SNX10: variants seen among roughly 807,000 people sequenced by gnomAD.
SNX10 encodes sorting nexin 10.
SNX10 carries 25 observed loss-of-function variants against 28.5 expected under a neutral mutation model. The ratio of observed to expected loss-of-function variants is 0.88; its 90% CI spans 0.64 to 1.22. The LOEUF (loss-of-function observed/expected upper bound fraction) is 1.22. Ranked by LOEUF, SNX10 falls within the 50% of genes most tolerant of loss-of-function variation. The pLI is 0.00. For missense variants in SNX10, 223 were observed against 242.6 expected, an observed-to-expected ratio of 0.92 and a Z score of 0.54; for synonymous variants, 62 against 81.4, an observed-to-expected ratio of 0.76 and a Z score of 1.28.
At chr7:26,341,780 C>T (rs572259024) in intron 1 of SNX10, among the ~76,000 whole-genome samples, 33 of 152,086 alleles carry the variant, frequency 2.2e-4, no homozygotes, top group African/African-American at 8.0e-4. Flanking sequence ...CCACCACACC[C>T]AGCCCTCTAT....
intron 1 of SNX10, among the ~76,000 whole-genome samples, chr7:26,313,574 A>G (rs186473063): frequency 1.9e-4 from 29 of 152,280 alleles, no homozygotes; most frequent in Admixed American, 1.6e-3. Context: ...GGGTTAAATA[A>G]TTTAGGCATT....
At chr7:26,347,097 G>A (rs1337830357) in intron 2 of SNX10, among the ~76,000 whole-genome samples, 1 of 151,556 alleles carries the variant, frequency 6.6e-6, no homozygotes, top group Non-Finnish European at 1.5e-5. Context: ...GCAGCACAGG[G>A]GCCTGTCTAG....
At chr7:26,372,462 T>G in intron 6 of SNX10, 29 bp from the exon 7 acceptor site, 1 of 1,453,082 alleles carries the variant, frequency 6.9e-7, no homozygotes, top group Non-Finnish European at 9.7e-7. Flanking sequence ...TTCCTCTTTT[T>G]ATTATTTTCC....
intron 1 of SNX10, among the ~76,000 whole-genome samples, chr7:26,318,820 T>C (rs1393054852): frequency 6.6e-6 from 1 of 152,252 alleles, no homozygotes; most frequent in Non-Finnish European, 1.5e-5. Context: ...ACTTCCTAAG[T>C]GCTTTAAGTA....
intron 1 of SNX10, among the ~76,000 whole-genome samples, chr7:26,338,477 A>T (rs1788032598): frequency 6.6e-6 from 1 of 152,010 alleles, no homozygotes; most frequent in Non-Finnish European, 1.5e-5. Context: ...CCAGGCCTGG[A>T]GTGCAGTGGC....
At chr7:26,303,827 C>T (rs893697420) in intron 1 of SNX10, among the ~76,000 whole-genome samples, 1 of 152,194 alleles carries the variant, frequency 6.6e-6, no homozygotes, top group African/African-American at 2.4e-5. Context: ...CTATGACACA[C>T]TCAGGACAAG....
At chr7:26,315,356 G>A (rs1329069282) in intron 1 of SNX10, among the ~76,000 whole-genome samples, 1 of 152,110 alleles carries the variant, frequency 6.6e-6, no homozygotes, top group Non-Finnish European at 1.5e-5. Flanking sequence ...TGTCCCAAAA[G>A]TGTCATAGCT....
chr7:26,364,600 G>T lies in SNX10; in HGVS notation c.177G>T (p.Trp59Cys). 6.2e-7 allele frequency: 1 copy of T among 1,613,942 alleles called. No homozygotes were observed. Among genetic ancestry groups the T allele is most frequent in the Non-Finnish European group, 8.5e-7 (1 of 1,179,876 alleles). Residue 59 changes from tryptophan (W) to cysteine (C), a missense_variant, in exon 4 of 7, where the codon TGG becomes TGT. Trp to Cys is a radical substitution (Grantham distance 215, BLOSUM62 -2). Coordinates refer to ENST00000338523, the MANE Select transcript of SNX10 (RefSeq NM_013322.3). This position sits in a 1 kb window ranked among gnomAD's most constrained non-coding sequence, Gnocchi z 4.9. ...GAAGAAGATATAGAGAATTCGTGTG[G>T]CTGAGGCAGAGACTCCAAAGTAATG... ...CVRRRYREFV[W>C]LRQRLQSNAL...
At chr7:26,322,290 T>A (rs1231710804) in intron 1 of SNX10, among the ~76,000 whole-genome samples, 1 of 152,230 alleles carries the variant, frequency 6.6e-6, no homozygotes, top group African/African-American at 2.4e-5. Flanking sequence ...ACAGGATTGC[T>A]AACTTTTTGC....
chr7:26,344,915 C>T (rs778312228), intron 1 of SNX10, among the ~76,000 whole-genome samples: 1 of 152,230 alleles, frequency 6.6e-6, no homozygotes, highest in Non-Finnish European at 1.5e-5. Context: ...ATCCAGGTGG[C>T]AGCAGAGCCC....
rs1428970601 is a variant in SNX10 at position 26,342,733 on chromosome 7, A to G, written c.-23-3687A>G. 2.6e-5 allele frequency among the ~76,000 whole-genome samples: 4 copies of G among 152,200 alleles called. No homozygotes were observed. The East Asian group carries it at 7.7e-4, about 29-fold the overall frequency. ...TTTACAGTATTAGAGGTTGACCATG[A>G]TAGTTCACTGTGATGTTTTGGAACA... On this transcript the variant is annotated intron_variant, in intron 1 of 6. Transcript: ENST00000338523.
intron 2 of SNX10, among the ~76,000 whole-genome samples, chr7:26,353,378 G>C (rs1788682180): frequency 1.4e-5 from 2 of 146,892 alleles, no homozygotes; most frequent in Admixed American, 1.4e-4. Context: ...GATTTTAGTT[G>C]TGAAATTGTT....
chr7:26,345,966 G>A (rs1486261825), intron 1 of SNX10, among the ~76,000 whole-genome samples: 2 of 152,170 alleles, frequency 1.3e-5, no homozygotes, highest in Non-Finnish European at 2.9e-5. Flanking sequence ...GACCTCTGGA[G>A]TAATATAAGT....
chr7:26,303,576 C>T (rs1786461380), intron 1 of SNX10, among the ~76,000 whole-genome samples: 1 of 152,210 alleles, frequency 6.6e-6, no homozygotes, highest in African/African-American at 2.4e-5. Context: ...CACTCTGCTC[C>T]ATTCCCTTGC....
intron 5 of SNX10, among the ~76,000 whole-genome samples, chr7:26,367,009 C>G (rs1361388545): frequency 6.6e-6 from 1 of 152,104 alleles, no homozygotes; most frequent in Non-Finnish European, 1.5e-5. Flanking sequence ...GGTTCTAGGT[C>G]TCCCATAATC....
chr7:26,314,960 T>C (rs1787012520), intron 1 of SNX10, among the ~76,000 whole-genome samples: 1 of 151,416 alleles, frequency 6.6e-6, no homozygotes, highest in African/African-American at 2.4e-5. Context: ...ATTGTGCCAC[T>C]GTACTCCAGC....
intron 1 of SNX10, among the ~76,000 whole-genome samples, chr7:26,323,157 G>A (rs1787370295): frequency 6.6e-6 from 1 of 152,068 alleles, no homozygotes; most frequent in Non-Finnish European, 1.5e-5. Context: ...GGCTGAGGTG[G>A]GAGGATCACT....
intron 1 of SNX10, among the ~76,000 whole-genome samples, chr7:26,312,141 T>G (rs1786876126): frequency 6.6e-6 from 1 of 152,220 alleles, no homozygotes; most frequent in African/African-American, 2.4e-5. Context: ...AGGATGTAAT[T>G]CATGACCATG....
intron 1 of SNX10, among the ~76,000 whole-genome samples, chr7:26,300,472 A>C (rs1333321506): frequency 6.6e-6 from 1 of 152,132 alleles, no homozygotes; most frequent in Non-Finnish European, 1.5e-5. Context: ...AAAAAATAAC[A>C]AAATGATTTG....
Sources: gnomAD v4.1 joint callset for allele counts (sites outside exome capture counted in the v4.1 genomes callset) on GRCh38, gnomAD v4.1.1 for gene constraint, Gnocchi (gnomAD v3.1) non-coding constraint, MANE v1.5 for transcripts, NCBI Gene and HGNC (gene_info 2026-07-23, HGNC 2026-07-21) for gene names.